Variants in ITGA9 observed in about 807,000 individuals in gnomAD.
The protein encoded by ITGA9 is integrin subunit alpha 9.
In ITGA9, 56 loss-of-function variants were observed where a neutral mutation model predicts 127.8. The ratio of observed to expected loss-of-function variants is 0.44; its 90% CI spans 0.35 to 0.55. The LOEUF (loss-of-function observed/expected upper bound fraction) is 0.55, where lower values mean the gene tolerates loss of function less well. ITGA9 is among the 20% of genes least tolerant of loss of function. The probability of loss-of-function intolerance (pLI) is 0.00; values close to 1 mark genes in which losing one functional copy is unlikely to be tolerated. For synonymous variants in ITGA9, 508 were observed against 514.5 expected, an observed-to-expected ratio of 0.99 and a Z score of 0.17; for missense variants, 1,196 against 1,347.1, an observed-to-expected ratio of 0.89 and a Z score of 1.76.
At chr3:37,509,328 T>C (rs1367807751) in intron 8 of ITGA9, among the ~76,000 whole-genome samples, 1 of 152,186 alleles carries the variant, frequency 6.6e-6, no homozygotes, top group Non-Finnish European at 1.5e-5. Context: ...TTTCATGAGC[T>C]TATCAGTCAT....
intron 4 of ITGA9, among the ~76,000 whole-genome samples, chr3:37,484,588 G>C (rs754984949): frequency 1.9e-4 from 29 of 152,166 alleles, no homozygotes; most frequent in Non-Finnish European, 4.0e-4. Context: ...ATACCACCTA[G>C]AACAGCCTCC....
chr3:37,755,668 G>A (rs1028368474), intron 23 of ITGA9, among the ~76,000 whole-genome samples: 1 of 152,176 alleles, frequency 6.6e-6, no homozygotes, highest in African/African-American at 2.4e-5. Context: ...GATTTTCTGA[G>A]AATGTATTGC....
intron 16 of ITGA9, among the ~76,000 whole-genome samples, chr3:37,639,659 G>A (rs968547035): frequency 1.3e-5 from 2 of 152,160 alleles, no homozygotes; most frequent in African/African-American, 2.4e-5. Flanking sequence ...TGGGGAGATC[G>A]TAGATGTGCC....
At position 37,819,093 on chromosome 3, in the gene ITGA9, C is replaced by T. The variant is rs1246564955; in HGVS notation, c.*104C>T. The T allele has an allele frequency of 2.3e-6, 2 of 857,810 alleles. No homozygotes were observed. Among genetic ancestry groups the T allele is most frequent in the South Asian group, 2.8e-5 (2 of 70,400 alleles). 53.1% of individuals were successfully genotyped at this position (857,810 alleles called of 1,614,324 possible). A position where few individuals can be genotyped will look rare whatever the true frequency, so the allele number is the denominator to read the frequency against. On this transcript the variant is annotated 3_prime_UTR_variant, in exon 28 of 28. Coordinates refer to ENST00000264741, the MANE Select transcript of ITGA9 (RefSeq NM_002207.3). ...ATCTTCTCCAGATTTTTCGGAGGCC[C>T]CACTGATGCTGTTCTCTTCTTCATT...
chr3:37,577,450 A>G (rs1035945367), intron 15 of ITGA9, among the ~76,000 whole-genome samples: 2 of 152,222 alleles, frequency 1.3e-5, no homozygotes, highest in Non-Finnish European at 2.9e-5. Context: ...CCCAAACACT[A>G]ACAGTGGAAC....
At chr3:37,565,272 T>A (rs1166930934) in intron 15 of ITGA9, among the ~76,000 whole-genome samples, 1 of 152,036 alleles carries the variant, frequency 6.6e-6, no homozygotes, top group Non-Finnish European at 1.5e-5. Context: ...GACCCTGGAG[T>A]GTTACCTTGG....
intron 23 of ITGA9, among the ~76,000 whole-genome samples, chr3:37,752,595 A>T (rs1459663121): frequency 2.0e-5 from 3 of 152,144 alleles, no homozygotes. Context: ...ATTGCCTGTG[A>T]TCATCATCCA....
At chr3:37,633,063 G>A (rs1700242660) in intron 16 of ITGA9, among the ~76,000 whole-genome samples, 1 of 152,138 alleles carries the variant, frequency 6.6e-6, no homozygotes, top group Non-Finnish European at 1.5e-5. Context: ...AAAGTCTAAT[G>A]ACAAGAAATC....
intron 18 of ITGA9, among the ~76,000 whole-genome samples, chr3:37,712,139 A>G (rs774698974): frequency 2.6e-4 from 39 of 151,884 alleles, no homozygotes; most frequent in Non-Finnish European, 3.4e-4. Flanking sequence ...CAGGAGCTGT[A>G]TTGGGCACAG....
chr3:37,627,622 T>C (rs1700189129), intron 15 of ITGA9, among the ~76,000 whole-genome samples: 1 of 152,226 alleles, frequency 6.6e-6, no homozygotes, highest in African/African-American at 2.4e-5. Flanking sequence ...GTCTATTTAA[T>C]TTCAGACTCT....
chr3:37,529,088 T>TCA (rs778408464), intron 13 of ITGA9, among the ~76,000 whole-genome samples: 3 of 152,340 alleles, frequency 2.0e-5, no homozygotes, highest in South Asian at 4.1e-4. Context: ...TGCTTGTTTT[T>TCA]CCCCTTACTG....
At chr3:37,793,389 A>AACACACACACAC (rs10575371) in intron 26 of ITGA9, among the ~76,000 whole-genome samples, 25 of 134,564 alleles carry the variant, frequency 1.9e-4, no homozygotes, top group East Asian at 6.9e-4. Context: ...CAAACAGGTC[A>AACACACACACAC]ACACACACAC....
intron 17 of ITGA9, among the ~76,000 whole-genome samples, chr3:37,662,795 G>A (rs1365120359): frequency 3.3e-5 from 5 of 152,204 alleles, no homozygotes; most frequent in Admixed American, 3.3e-4. Context: ...AAGCAAAGGG[G>A]TCACAGAGAA....
rs560578121 is a variant in ITGA9, at chr3:37,629,017, G to A, written c.1690-170G>A. Among the ~76,000 whole-genome samples the A allele has an allele frequency of 6.6e-6, 1 of 152,194 alleles. No homozygotes were observed. The highest frequency in any genetic ancestry group is 1.9e-4 in the East Asian group (1 of 5,156). On this transcript the variant is annotated intron_variant, in intron 15 of 27. Transcript: ENST00000264741. The surrounding 1 kb of genome is among the most constrained non-coding windows in gnomAD (Gnocchi z 4.5). Reference sequence around the variant, plus strand: ...CTTGGACAAGACACTAGCTGCCCTAGGCCTCAATTACCTCATTTAAAATAT... The same window carrying A: ...CTTGGACAAGACACTAGCTGCCCTAAGCCTCAATTACCTCATTTAAAATAT...
intron 18 of ITGA9, among the ~76,000 whole-genome samples, chr3:37,704,948 A>G (rs552009232): frequency 9.9e-5 from 15 of 152,240 alleles, no homozygotes; most frequent in Non-Finnish European, 2.1e-4. Context: ...GACTGAATGA[A>G]TAACAGGAAG....
chr3:37,507,454 G>T (rs1698857038), intron 7 of ITGA9, among the ~76,000 whole-genome samples: 1 of 152,090 alleles, frequency 6.6e-6, no homozygotes, highest in Admixed American at 6.5e-5. Context: ...TTTTCCTTCA[G>T]ATGATTGTGA....
chr3:37,727,449 G>T (rs1349810333), intron 18 of ITGA9, among the ~76,000 whole-genome samples: 1 of 152,182 alleles, frequency 6.6e-6, no homozygotes, highest in African/African-American at 2.4e-5. Flanking sequence ...TAAAAGTTTT[G>T]ATTGAGACTT....
intron 17 of ITGA9, among the ~76,000 whole-genome samples, chr3:37,676,618 T>A (rs1392141294): frequency 6.6e-6 from 1 of 152,248 alleles, no homozygotes; most frequent in African/African-American, 2.4e-5. Context: ...GAACCACTTA[T>A]AGCTGACTAC....
chr3:37,483,230 C>A (rs1698574621), intron 4 of ITGA9, among the ~76,000 whole-genome samples: 1 of 152,116 alleles, frequency 6.6e-6, no homozygotes, highest in East Asian at 1.9e-4. Context: ...TCTATATATA[C>A]CACAAGCACA....
Sources: gnomAD v4.1 joint callset for allele counts (sites outside exome capture counted in the v4.1 genomes callset) on GRCh38, gnomAD v4.1.1 for gene constraint, Gnocchi (gnomAD v3.1) non-coding constraint, MANE v1.5 for transcripts, NCBI Gene and HGNC (gene_info 2026-07-23, HGNC 2026-07-21) for gene names.